The following TMEM156 variants were observed in gnomAD, a reference collection of about 807,000 sequenced individuals.
TMEM156 encodes transmembrane protein 156.
TMEM156 carries 28 observed loss-of-function variants against 30.5 expected under a neutral mutation model. The ratio of observed to expected loss-of-function variants is 0.92; its 90% CI spans 0.68 to 1.26. The LOEUF (loss-of-function observed/expected upper bound fraction) is 1.26, where lower values mean the gene tolerates loss of function less well. Among genes scored for constraint, TMEM156 ranks in the 50% most tolerant of loss-of-function variants. The probability of loss-of-function intolerance (pLI) is 0.00; values close to 1 mark genes in which losing one functional copy is unlikely to be tolerated. For missense variants in TMEM156, 351 were observed against 340.6 expected (o/e 1.03, Z -0.24); for synonymous variants, 137 against 119.9 (o/e 1.14, Z -0.93).
At chr4:39,000,509 T>A (rs1713264045) in intron 1 of TMEM156, among the ~76,000 whole-genome samples, 1 of 152,228 alleles carries the variant, frequency 6.6e-6, no homozygotes, top group Admixed American at 6.5e-5. Flanking sequence ...ATAAGCCTGC[T>A]AATCTCATGG....
chr4:38,997,381 A>G (rs924871534), intron 2 of TMEM156, among the ~76,000 whole-genome samples: 1 of 152,246 alleles, frequency 6.6e-6, no homozygotes, highest in Non-Finnish European at 1.5e-5. Flanking sequence ...ATTATACAAA[A>G]TATATTCATG....
At chr4:39,027,758 C>CTTTTTTTTTTTTTTT (rs112766367) in intron 1 of TMEM156, among the ~76,000 whole-genome samples, 5 of 120,762 alleles carry the variant, frequency 4.1e-5, no homozygotes, top group Admixed American at 8.7e-5. Context: ...TTTTCTTTTT[C>CTTTTTTTTTTTTTTT]TTTTTTTTTT....
At chr4:39,024,661 C>T (rs1055932007) in intron 1 of TMEM156, among the ~76,000 whole-genome samples, 4 of 152,040 alleles carry the variant, frequency 2.6e-5, no homozygotes, top group Non-Finnish European at 4.4e-5. Context: ...ACACTGGGGC[C>T]TACCAGAGGG....
intron 3 of TMEM156, 47 bp downstream of exon 3, chr4:38,993,691 T>C (rs1329503797): frequency 5.8e-6 from 9 of 1,552,974 alleles, no homozygotes; most frequent in Non-Finnish European, 7.9e-6. Context: ...ATTTTACATA[T>C]CTATATCGGA....
intron 1 of TMEM156, among the ~76,000 whole-genome samples, chr4:39,019,575 G>C (rs545317468): frequency 6.6e-6 from 1 of 152,046 alleles, no homozygotes; most frequent in Non-Finnish European, 1.5e-5. Context: ...TTGTGTGTAC[G>C]AATTGTTGCT....
chr4:39,025,919 A>C (rs1715175435), intron 1 of TMEM156, among the ~76,000 whole-genome samples: 1 of 152,256 alleles, frequency 6.6e-6, no homozygotes, highest in Admixed American at 6.5e-5. Flanking sequence ...TGTGAACGTC[A>C]GATGAGAAAT....
At chr4:38,968,854 C>A (rs903064592) in intron 6 of TMEM156, among the ~76,000 whole-genome samples, 3 of 152,162 alleles carry the variant, frequency 2.0e-5, no homozygotes, top group African/African-American at 7.2e-5. Flanking sequence ...GCCCTCCACT[C>A]GTTTCCACCC....
At position 39,028,704 on chromosome 4, in the gene TMEM156, G is replaced by T. The variant is rs1419453203; in HGVS notation, c.88+3522C>A. 2.0e-5 allele frequency: 3 copies of T among 152,322 alleles called. 1 individual carries two copies. Among genetic ancestry groups the T allele is most frequent in the Admixed American group, 2.0e-4 (3 of 15,312 alleles). The allele number at this position is 152,322 out of a possible 1,614,324, so 9.4% of individuals were successfully genotyped here. Reference sequence around the variant, plus strand: ...AAGTCCAACAAAAACAGGTTGGAAAGTTTCTTATTTGGGAGTAAGCTAGCT... The same window carrying T: ...AAGTCCAACAAAAACAGGTTGGAAATTTTCTTATTTGGGAGTAAGCTAGCT... On this transcript the variant is annotated intron_variant, in intron 1 of 6. Coordinates refer to ENST00000381938, the MANE Select transcript of TMEM156 (RefSeq NM_024943.3).
At chr4:39,014,453 C>G (rs750401935) in intron 1 of TMEM156, among the ~76,000 whole-genome samples, 2 of 152,072 alleles carry the variant, frequency 1.3e-5, no homozygotes, top group African/African-American at 4.8e-5. Context: ...GCTTTTGTCA[C>G]ATCCCTATGC....
chr4:39,025,155 C>G (rs1715117958), intron 1 of TMEM156, among the ~76,000 whole-genome samples: 1 of 151,830 alleles, frequency 6.6e-6, no homozygotes, highest in African/African-American at 2.4e-5. Context: ...TTGAAACCAG[C>G]CTGGATAACA....
At chr4:38,994,088 A>T (rs1417036518) in intron 2 of TMEM156, 90 bp from the exon 3 acceptor site, 1 of 1,184,314 alleles carries the variant, frequency 8.4e-7, no homozygotes, top group Admixed American at 2.5e-5. Context: ...CTTCCTTTCT[A>T]TACAAGAAAG....
intron 2 of TMEM156, among the ~76,000 whole-genome samples, chr4:38,997,453 C>T (rs1713013264): frequency 6.6e-6 from 1 of 152,152 alleles, no homozygotes; most frequent in South Asian, 2.1e-4. Context: ...AGAAGAGATA[C>T]ATAAATGCCC....
chr4:39,015,665 C>G (rs1023311233), intron 1 of TMEM156, among the ~76,000 whole-genome samples: 4 of 152,160 alleles, frequency 2.6e-5, no homozygotes, highest in African/African-American at 9.7e-5. Context: ...TCATTTGTTA[C>G]AGCAGCCCTA....
chr4:38,968,450 G>T (rs1164558592), intron 6 of TMEM156, among the ~76,000 whole-genome samples: 2 of 152,064 alleles, frequency 1.3e-5, no homozygotes, highest in Non-Finnish European at 2.9e-5. Flanking sequence ...TGGAATTAGG[G>T]CTTCTCTAAT....
At chr4:38,992,828 C>G (rs1409652652) in intron 3 of TMEM156, among the ~76,000 whole-genome samples, 15 of 148,286 alleles carry the variant, frequency 1.0e-4, no homozygotes, top group South Asian at 2.1e-4. Flanking sequence ...GCAGCGCGAT[C>G]TCGGCTCACT....
At chr4:39,019,737 T>C (rs1024110004) in intron 1 of TMEM156, among the ~76,000 whole-genome samples, 1 of 152,224 alleles carries the variant, frequency 6.6e-6, no homozygotes, top group African/African-American at 2.4e-5. Context: ...TTGAGATATA[T>C]ATATTGTTAG....
chr4:38,983,616 T>C (rs1350973577), intron 5 of TMEM156, among the ~76,000 whole-genome samples: 1 of 152,136 alleles, frequency 6.6e-6, no homozygotes, highest in Non-Finnish European at 1.5e-5. Context: ...CCCAGGCTGG[T>C]CTTGAACTCC....
intron 1 of TMEM156, among the ~76,000 whole-genome samples, chr4:39,009,684 A>G (rs1713981578): frequency 6.6e-6 from 1 of 152,174 alleles, no homozygotes; most frequent in Non-Finnish European, 1.5e-5. Context: ...AAAGCATTCA[A>G]TAAAATCCAA....
At chr4:38,984,347 C>CTGTGTGTGTG (rs1211976306) in intron 5 of TMEM156, among the ~76,000 whole-genome samples, 10 of 130,546 alleles carry the variant, frequency 7.7e-5, no homozygotes, top group African/African-American at 3.4e-4. Context: ...CTCTCTCTCT[C>CTGTGTGTGTG]TCTGTGTGTG....
Sources: gnomAD v4.1 joint callset for allele counts (sites outside exome capture counted in the v4.1 genomes callset) on GRCh38, gnomAD v4.1.1 for gene constraint, MANE v1.5 for transcripts, NCBI Gene and HGNC (gene_info 2026-07-23, HGNC 2026-07-21) for gene names.